CRH: variants seen among roughly 807,000 people sequenced by gnomAD.
The protein encoded by CRH is corticotropin-releasing hormone.
In CRH, 6 loss-of-function variants were observed where a neutral mutation model predicts 11.1. The observed-to-expected ratio is 0.54, with a 90% CI of 0.30 to 1.07. The LOEUF is 1.07. Ranked by LOEUF, CRH falls within the 50% of genes least tolerant of loss-of-function variation. The pLI is 0.07. For missense variants in CRH, 289 were observed against 269.4 expected (o/e 1.07, Z -0.51); for synonymous variants, 155 against 132.0 (o/e 1.17, Z -1.19).
At position 66,177,323 on chromosome 8, in the gene CRH, T is replaced by TGCG. The variant is rs562792458; in HGVS notation, c.152_154dup (p.Pro51dup). ...CTGCGGCTGCTGGGGCTGCTCGGAC[T>TGCG]GCGGCGGCGGCTGGAAGAAATCCAA... On this transcript the variant is annotated inframe_insertion, in exon 2 of 2. Coordinates refer to ENST00000276571, the MANE Select transcript of CRH (RefSeq NM_000756.4). 1.2e-3 allele frequency: 1,838 copies of TGCG among 1,555,286 alleles called. 28 individuals are homozygous for TGCG. In the East Asian group the frequency reaches 0.036, roughly 30 times the overall value.
intron 1 of CRH, among the ~76,000 whole-genome samples, chr8:66,177,699 G>C (rs1052465575): frequency 4.6e-5 from 7 of 152,156 alleles, no homozygotes; most frequent in African/African-American, 1.7e-4. Context: ...CGCCTGCAGG[G>C]CTCCGCACCT....
Position 66,177,192 on chromosome 8 carries a change from C to T in CRH, c.286G>A (p.Gly96Arg). 4 of 1,540,674 alleles carry T rather than the reference C, an allele frequency of 2.6e-6. No homozygotes were observed. The highest frequency in any genetic ancestry group is 1.7e-6 in the Non-Finnish European group (2 of 1,146,720). ...GGCGAAGGGCGGCTGCCGCTGCCTC[C>T]GGCGAGGAGCGAGGAGGCGGGCGAA... is the stretch of plus-strand genomic sequence containing the variant. ...PLSPASSLLA[G>R]GSGSRPSPEQ... is the part of the protein sequence containing the mutation. Residue 96 changes from glycine to arginine, a missense_variant, in exon 2 of 2, where the codon GGA (glycine) becomes AGA (arginine). Coordinates refer to ENST00000276571, the MANE Select transcript of CRH (RefSeq NM_000756.4).
intron 1 of CRH, among the ~76,000 whole-genome samples, chr8:66,177,950 G>A (rs1264085587): frequency 6.6e-6 from 1 of 152,010 alleles, no homozygotes; most frequent in Non-Finnish European, 1.5e-5. Context: ...GCCTTATCTC[G>A]GGGGTTAGGA....
chr8:66,177,522 TGAGA>T (rs1237697977), intron 1 of CRH, 31 bp from the exon 2 acceptor site: 1 of 1,510,860 alleles, frequency 6.6e-7, no homozygotes, highest in African/African-American at 1.4e-5. Context: ...GAGGGCGGAA[TGAGA>T]GAGGGGAAGA....
chr8:66,178,312 G>C lies in CRH; in HGVS notation c.-34C>G, dbSNP rs1162662202. 6.6e-6 allele frequency: 1 copy of C among 152,326 alleles called. No individual in the cohort carries two copies. The highest frequency in any genetic ancestry group is 1.5e-5 in the Non-Finnish European group (1 of 68,132). 9.4% of individuals were successfully genotyped at this position (152,326 alleles called of 1,614,324 possible). A position where few individuals can be genotyped will look rare whatever the true frequency, so the allele number is the denominator to read the frequency against. On this transcript the variant is annotated 5_prime_UTR_variant, in exon 1 of 2. Transcript: ENST00000276571. ...CCCTACCTTCCCAGGCGCTTCGCAG[G>C]TGAGCCGGGTGCTGCCGCCTCTCTG...
In CRH at chr8:66,177,027, C is replaced by T; in HGVS notation, c.451G>A (p.Glu151Lys). The part of the protein sequence containing the change: ...LGGHQEAPER[E>K]RRSEEPPISL... ...ATGGGAGGCTCCTCGGACCGCCTTT[C>T]TCTCTCCGGTGCCTCCTGGTGGCCG... Residue 151 changes from glutamate to lysine, a missense_variant, in exon 2 of 2, where the codon GAA becomes AAA. Glu to Lys is a moderately conservative substitution (Grantham distance 56, BLOSUM62 1). Coordinates refer to ENST00000276571, the MANE Select transcript of CRH (RefSeq NM_000756.4). 6.2e-7 allele frequency: 1 copy of T among 1,613,926 alleles called. No homozygotes were observed. The highest frequency in any genetic ancestry group is 2.2e-5 in the East Asian group (1 of 44,870).
At chr8:66,177,727 G>C (rs1479880266) in intron 1 of CRH, among the ~76,000 whole-genome samples, 4 of 152,180 alleles carry the variant, frequency 2.6e-5, no homozygotes, top group African/African-American at 9.7e-5. Flanking sequence ...TGCGCTCACC[G>C]GCCAGGAGTG....
Position 66,177,157 on chromosome 8 carries a change from C to T in CRH, c.321G>A (p.Ala107=). The change falls in exon 2 of 2, where the codon GCG becomes GCA. Residue 107 remains alanine, a synonymous_variant. Transcript: ENST00000276571. The part of the protein sequence containing the change: ...GSGSRPSPEQ[A]TANFFRVLLQ... The stretch of plus-strand genomic sequence containing the variant: ...GCAACACGCGGAAAAAGTTGGCGGT[C>T]GCCTGTTCCGGCGAAGGGCGGCTGC... 2 of 1,543,332 alleles carry T rather than the reference C, an allele frequency of 1.3e-6. No homozygotes were observed. The highest frequency in any genetic ancestry group is 1.2e-5 in the South Asian group (1 of 84,642).
Position 66,177,271 on chromosome 8 carries a change from T to G in CRH, c.207A>C (p.Gly69=). ...PQARPVLLRM[G]EEYFLRLGNL... The stretch of plus-strand genomic sequence containing the variant: ...TCCCCAGGCGGAGGAAGTACTCCTC[T>G]CCCATGCGGAGCAGGACCGGCCGAG... Residue 69 remains glycine (G), a synonymous_variant, in exon 2 of 2, where the codon GGA becomes GGC. Coordinates refer to ENST00000276571, the MANE Select transcript of CRH (RefSeq NM_000756.4). The G allele has an allele frequency of 6.5e-7, 1 of 1,547,358 alleles. No individual in the cohort carries two copies. The highest frequency in any genetic ancestry group is 8.7e-7 in the Non-Finnish European group (1 of 1,150,428).
intron 1 of CRH, 108 bp from the exon 2 acceptor site, chr8:66,177,599 G>C: frequency 7.2e-7 from 1 of 1,379,772 alleles, no homozygotes; most frequent in Non-Finnish European, 9.6e-7. Context: ...CTTCCTACGG[G>C]ACTGCCTTAG....
At position 66,177,024 on chromosome 8, in the gene CRH, T is replaced by C. The variant is rs779976229; in HGVS notation, c.454A>G (p.Arg152Gly). 4.6e-5 allele frequency: 74 copies of C among 1,613,832 alleles called. No individual in the cohort carries two copies. Among genetic ancestry groups the C allele is most frequent in the Non-Finnish European group, 6.0e-5 (71 of 1,179,930 alleles). Residue 152 changes from arginine (R) to glycine (G), a missense_variant, in exon 2 of 2, where the codon AGG becomes GGG. By Grantham distance (125) the Arg-to-Gly change is moderately radical (BLOSUM62 -2). Around this residue, in one of 2 missense-constraint regions of CRH, gnomAD observed 261 missense variants for 219.0 expected, o/e 1.19. Transcript: ENST00000276571. ...GAGATGGGAGGCTCCTCGGACCGCC[T>C]TTCTCTCTCCGGTGCCTCCTGGTGG... ...GGHQEAPERE[R>G]RSEEPPISLD...
At chr8:66,177,589 C>G (rs1422496931) in intron 1 of CRH, 98 bp from the exon 2 acceptor site, 1 of 1,426,536 alleles carries the variant, frequency 7.0e-7, no homozygotes, top group Non-Finnish European at 9.2e-7. Flanking sequence ...CACACGGGGT[C>G]TTCCTACGGG....
rs1225533243 is a variant in CRH at position 66,177,272 on chromosome 8, C to A, written c.206G>T (p.Gly69Val). The change falls in exon 2 of 2, where the codon GGA (glycine) becomes GTA (valine). Residue 69 changes from glycine (G) to valine (V), a missense_variant. Transcript: ENST00000276571. ...CCCCAGGCGGAGGAAGTACTCCTCT[C>A]CCATGCGGAGCAGGACCGGCCGAGC... Reference protein sequence around the residue: ...PQARPVLLRMGEEYFLRLGNL... With the variant: ...PQARPVLLRMVEEYFLRLGNL... The A allele has an allele frequency of 4.5e-6, 7 of 1,547,898 alleles. No homozygotes were observed. In the South Asian group the frequency reaches 4.7e-5, roughly 10 times the overall value.
In CRH at chr8:66,177,400, C is replaced by G; in HGVS notation, c.78G>C (p.Leu26=). ...GAGCTCCCGGGACCGGCCCGCGGCTCAGGAGCGCCCTGCATGGCGGGCAGG... is the reference window on the plus strand; with the variant it reads ...GAGCTCCCGGGACCGGCCCGCGGCTGAGGAGCGCCCTGCATGGCGGGCAGG... The part of the protein sequence containing the change: ...LLPCPPCRAL[L]SRGPVPGARQ... The change falls in exon 2 of 2, where the codon CTG becomes CTC. Residue 26 remains leucine (L), a synonymous_variant. Transcript: ENST00000276571. 2 of 1,539,718 alleles carry G rather than the reference C, an allele frequency of 1.3e-6. No homozygotes were observed. Among genetic ancestry groups the G allele is most frequent in the Admixed American group, 3.9e-5 (2 of 51,040 alleles).
rs1811921574 is a variant in CRH, at chr8:66,177,376, A to C, written c.102T>G (p.Ala34=). ...GCTGAGGGTGCTGCGGCGCCTGCCGAGCTCCCGGGACCGGCCCGCGGCTCA... is the reference window on the plus strand; with the variant it reads ...GCTGAGGGTGCTGCGGCGCCTGCCGCGCTCCCGGGACCGGCCCGCGGCTCA... The part of the protein sequence containing the change: ...ALLSRGPVPG[A]RQAPQHPQPL... Residue 34 remains alanine, a synonymous_variant, in exon 2 of 2, where the codon GCT becomes GCG. Coordinates refer to ENST00000276571, the MANE Select transcript of CRH (RefSeq NM_000756.4). 1 of 1,541,408 alleles carries C rather than the reference A, an allele frequency of 6.5e-7. No individual in the cohort carries two copies.
In CRH at chr8:66,176,897, A is replaced by G. The variant is rs1180912271; in HGVS notation, c.581T>C (p.Ile194Thr). 4 of 1,591,976 alleles carry G rather than the reference A, an allele frequency of 2.5e-6. No homozygotes were observed. The highest frequency in any genetic ancestry group is 3.4e-6 in the Non-Finnish European group (4 of 1,168,604). Residue 194 changes from isoleucine (I) to threonine (T), a missense_variant, in exon 2 of 2, where the codon ATT becomes ACT. Transcript: ENST00000276571. ...AHSNRKLMEI[I>T]GK ...GCCAAACGCACCGTTTTATTTCCCA[A>G]TAATCTCCATGAGTTTCCTGTTGCT...
chr8:66,176,682 C>G lies in CRH; in HGVS notation c.*205G>C, dbSNP rs766871977. 7.3e-5 allele frequency: 38 copies of G among 518,060 alleles called. No homozygotes were observed. The highest frequency in any genetic ancestry group is 1.0e-4 in the Non-Finnish European group (33 of 329,646). The allele number at this position is 518,060 out of a possible 1,614,324, so 32.1% of individuals were successfully genotyped here. A position where few individuals can be genotyped will look rare whatever the true frequency, so the allele number is the denominator to read the frequency against. ...AAACGGAAACTAAACGTAGACAAAA[C>G]GAATAACATTGTGTTGCTGCTGCAC... On this transcript the variant is annotated 3_prime_UTR_variant, in exon 2 of 2. Coordinates refer to ENST00000276571, the MANE Select transcript of CRH (RefSeq NM_000756.4).
chr8:66,177,417 G>T lies in CRH; in HGVS notation c.61C>A (p.Pro21Thr). 6.5e-7 allele frequency: 1 copy of T among 1,539,484 alleles called. No homozygotes were observed. Among genetic ancestry groups the T allele is most frequent in the African/African-American group, 1.4e-5 (1 of 72,928 alleles). The change falls in exon 2 of 2, where the codon CCA (proline) becomes ACA (threonine). Residue 21 changes from proline (P) to threonine (T), a missense_variant. Transcript: ENST00000276571. ...CCGCGGCTCAGGAGCGCCCTGCATGGCGGGCAGGGCAGGAGAGCCACCAGC... is the reference window on the plus strand; with the variant it reads ...CCGCGGCTCAGGAGCGCCCTGCATGTCGGGCAGGGCAGGAGAGCCACCAGC... ...VLLVALLPCP[P>T]CRALLSRGPV...
Position 66,177,159 on chromosome 8 carries a change from C to T in CRH, c.319G>A (p.Ala107Thr). Reference sequence around the variant, plus strand: ...AACACGCGGAAAAAGTTGGCGGTCGCCTGTTCCGGCGAAGGGCGGCTGCCG... The same window carrying T: ...AACACGCGGAAAAAGTTGGCGGTCGTCTGTTCCGGCGAAGGGCGGCTGCCG... ...GSGSRPSPEQ[A>T]TANFFRVLLQ... The change falls in exon 2 of 2, where the codon GCG (alanine) becomes ACG (threonine). Residue 107 changes from alanine (A) to threonine (T), a missense_variant. Physicochemically the swap from Ala to Thr is moderately conservative, Grantham distance 58. Transcript: ENST00000276571. 1 of 1,542,884 alleles carries T rather than the reference C, an allele frequency of 6.5e-7. No individual in the cohort carries two copies. The highest frequency in any genetic ancestry group is 8.7e-7 in the Non-Finnish European group (1 of 1,146,100).
Sources: gnomAD v4.1 joint callset for allele counts (sites outside exome capture counted in the v4.1 genomes callset) on GRCh38, gnomAD v4.1.1 for gene constraint, gnomAD v4.1.1 regional missense constraint, MANE v1.5 for transcripts, NCBI Gene and HGNC (gene_info 2026-07-23, HGNC 2026-07-21) for gene names.